Variants in STX5 observed in about 807,000 individuals in gnomAD.
STX5 encodes syntaxin 5, also known as syntaxin-5.
A neutral mutation model predicts 42.9 loss-of-function variants in STX5; 15 were observed. The observed-to-expected ratio is 0.35, with a 90% CI of 0.23 to 0.54. The LOEUF (loss-of-function observed/expected upper bound fraction) is 0.54, where lower values mean the gene tolerates loss of function less well. Among genes scored for constraint, STX5 ranks in the 20% least tolerant of loss-of-function variants. The probability of loss-of-function intolerance (pLI) is 0.91; values close to 1 mark genes in which losing one functional copy is unlikely to be tolerated. For synonymous variants in STX5, 184 were observed against 173.2 expected (o/e 1.06, Z -0.49); for missense variants, 430 against 455.0 (o/e 0.95, Z 0.50).
At position 62,831,154 on chromosome 11, in the gene STX5, A is replaced by T. The variant is rs1394644234; in HGVS notation, c.90T>A (p.Thr30=). 2 of 1,561,050 alleles carry T rather than the reference A, an allele frequency of 1.3e-6. No homozygotes were observed. Among genetic ancestry groups the T allele is most frequent in the Non-Finnish European group, 1.7e-6 (2 of 1,152,270 alleles). The part of the protein sequence containing the change: ...LSKTQVLSPA[T]AGSSSSDIAP... ...CGATGTCGCTGCTGCTACTGCCAGC[A>T]GTTGCAGGGGACAGGACCTGTGTCT... The change falls in exon 2 of 11, where the codon ACT becomes ACA. Residue 30 remains threonine, a synonymous_variant. Transcript: ENST00000294179.
intron 10 of STX5, among the ~76,000 whole-genome samples, chr11:62,808,663 T>C (rs1408349228): frequency 1.3e-5 from 2 of 152,178 alleles, no homozygotes; most frequent in Non-Finnish European, 2.9e-5. Flanking sequence ...TTTATGGGAC[T>C]TGCGGATGCA....
In STX5 at chr11:62,831,038, T is replaced by C. The variant is rs184174294; in HGVS notation, c.206A>G (p.Lys69Arg). The change falls in exon 2 of 11, where the codon AAG becomes AGG. Residue 69 changes from lysine (K) to arginine (R), a missense_variant. Coordinates refer to ENST00000294179, the MANE Select transcript of STX5 (RefSeq NM_003164.5). ...CCTTACCTGACGGGTCTGCAGCGAC[T>C]TGCAGGCAGACAGAAACTCCTGGGT... ...DRTQEFLSACKSLQTRQNGIQ... is the reference protein window; with the variant it reads ...DRTQEFLSACRSLQTRQNGIQ... The C allele has an allele frequency of 1.4e-5, 21 of 1,553,086 alleles. No homozygotes were observed. The highest frequency in any genetic ancestry group is 5.8e-5 in the Admixed American group (3 of 51,376).
At chr11:62,827,722 T>A in intron 2 of STX5, 91 bp from the exon 3 acceptor site, 1 of 1,281,228 alleles carries the variant, frequency 7.8e-7, no homozygotes. Flanking sequence ...AACCTATCTC[T>A]AGTGCTGGTG....
chr11:62,824,210 C>T lies in STX5; in HGVS notation c.864G>A (p.Gln288=). Residue 288 remains glutamine, a synonymous_variant, in exon 10 of 11, where the codon CAG becomes CAA. Transcript: ENST00000294179. ...GTTCCTTAACCATGTGTGCCAACTGCTGAAAGATGGAGCCCAACTCAACAA... is the reference window on the plus strand; with the variant it reads ...GTTCCTTAACCATGTGTGCCAACTGTTGAAAGATGGAGCCCAACTCAACAA... ...STIVELGSIF[Q]QLAHMVKEQE... 1 of 1,614,180 alleles carries T rather than the reference C, an allele frequency of 6.2e-7. No homozygotes were observed. The highest frequency in any genetic ancestry group is 8.5e-7 in the Non-Finnish European group (1 of 1,180,032).
At chr11:62,823,016 A>G (rs945178816) in intron 10 of STX5, among the ~76,000 whole-genome samples, 1 of 152,008 alleles carries the variant, frequency 6.6e-6, no homozygotes, top group African/African-American at 2.4e-5. Context: ...CTATGGTGAG[A>G]CTGTCCCATC....
chr11:62,830,649 T>A (rs1252190258), intron 2 of STX5: 1 of 475,768 alleles, frequency 2.1e-6, no homozygotes, highest in African/African-American at 2.0e-5. Context: ...TTCTCATGGT[T>A]ACAGAGCAAA....
chr11:62,825,381 A>G (rs200884743), intron 6 of STX5, 42 bp from the exon 7 acceptor site: 2 of 1,614,018 alleles, frequency 1.2e-6, no homozygotes, highest in Non-Finnish European at 1.7e-6. Flanking sequence ...AAGGCTCCAC[A>G]TTCTTCCTCT....
At chr11:62,807,786 G>A (rs2084569561) in intron 10 of STX5, 158 bp from the exon 11 acceptor site, 1 of 1,351,372 alleles carries the variant, frequency 7.4e-7, no homozygotes, top group Non-Finnish European at 9.8e-7. Flanking sequence ...CTATAAACAA[G>A]TTATTTCTGG....
intron 5 of STX5, among the ~76,000 whole-genome samples, chr11:62,826,895 A>G (rs1192786133): frequency 6.6e-6 from 1 of 151,712 alleles, no homozygotes; most frequent in Non-Finnish European, 1.5e-5. Context: ...AAAAAAAAAA[A>G]AAAAAATTAT....
At chr11:62,828,625 C>G (rs2084820844) in intron 2 of STX5, among the ~76,000 whole-genome samples, 1 of 152,108 alleles carries the variant, frequency 6.6e-6, no homozygotes, top group Non-Finnish European at 1.5e-5. Context: ...ACTCAGCAGG[C>G]TGAGGCCGGA....
At chr11:62,828,742 T>TAAACAAAC (rs1309217151) in intron 2 of STX5, among the ~76,000 whole-genome samples, 4 of 128,124 alleles carry the variant, frequency 3.1e-5, no homozygotes, top group Admixed American at 8.8e-5. Context: ...AATAAATAAA[T>TAAACAAAC]AAATAAACAA....
At chr11:62,822,082 G>C (rs1018417792) in intron 10 of STX5, among the ~76,000 whole-genome samples, 3 of 151,796 alleles carry the variant, frequency 2.0e-5, no homozygotes, top group Non-Finnish European at 4.4e-5. Context: ...AATGTATTTG[G>C]CCAGTTGTGA....
chr11:62,823,094 CTT>C (rs1239394813), intron 10 of STX5, among the ~76,000 whole-genome samples: 6 of 152,266 alleles, frequency 3.9e-5, no homozygotes, highest in African/African-American at 1.4e-4. Context: ...TTGGATCCCT[CTT>C]GTCATTCAAG....
At position 62,827,593 on chromosome 11, in the gene STX5, G is replaced by C. The variant is rs766696591; in HGVS notation, c.264C>G (p.Val88=). 4.3e-6 allele frequency: 7 copies of C among 1,614,070 alleles called. No individual in the cohort carries two copies. The highest frequency in any genetic ancestry group is 5.9e-6 in the Non-Finnish European group (7 of 1,180,042). The part of the protein sequence containing the change: ...IQTNKPALRA[V]RQRSEFTLMA... The stretch of plus-strand genomic sequence containing the variant: ...TGAGGGTGAATTCACTGCGTTGTCG[G>C]ACAGCACGCAAAGCTGGCTTATTTG... Residue 88 remains valine (V), a synonymous_variant, in exon 3 of 11, where the codon GTC becomes GTG. Coordinates refer to ENST00000294179, the MANE Select transcript of STX5 (RefSeq NM_003164.5).
chr11:62,809,845 G>A (rs1414449859), intron 10 of STX5, among the ~76,000 whole-genome samples: 1 of 151,382 alleles, frequency 6.6e-6, no homozygotes, highest in Admixed American at 6.6e-5. Flanking sequence ...GGCTCACGCC[G>A]ATAATCCCAG....
At position 62,807,281 on chromosome 11, in the gene STX5, G is replaced by A. The variant is rs1379672802; in HGVS notation, c.*188C>T. ...CCCTGTGTGTTTCATAGGCCTGAGGGTGGTGGGGGGAGGACAGGGTGGCCA... is the reference window on the plus strand; with the variant it reads ...CCCTGTGTGTTTCATAGGCCTGAGGATGGTGGGGGGAGGACAGGGTGGCCA... On this transcript the variant is annotated 3_prime_UTR_variant, in exon 11 of 11. Coordinates refer to ENST00000294179, the MANE Select transcript of STX5 (RefSeq NM_003164.5). 2.5e-6 allele frequency: 2 copies of A among 792,202 alleles called. No individual in the cohort carries two copies. Among genetic ancestry groups the A allele is most frequent in the South Asian group, 2.0e-5 (1 of 50,484 alleles). 49.1% of individuals were successfully genotyped at this position (792,202 alleles called of 1,614,324 possible).
intron 10 of STX5, among the ~76,000 whole-genome samples, chr11:62,815,488 A>G (rs1381759779): frequency 1.3e-5 from 2 of 151,880 alleles, no homozygotes; most frequent in African/African-American, 4.8e-5. Flanking sequence ...TGAATAATAC[A>G]TAATATTAGG....
chr11:62,830,628 A>G (rs1368189334), intron 2 of STX5: 1 of 461,350 alleles, frequency 2.2e-6, no homozygotes, highest in Admixed American at 2.6e-5. Context: ...ATGTAACTAG[A>G]TTAACTAATT....
At chr11:62,812,838 T>C (rs75266488) in intron 10 of STX5, among the ~76,000 whole-genome samples, 12,824 of 151,072 alleles carry the variant, frequency 0.085, 670 homozygotes, top group East Asian at 0.15. Context: ...TTAGGCCGGG[T>C]GCGGTGGCTC....
Sources: allele counts gnomAD v4.1 joint callset (sites outside exome capture counted in the v4.1 genomes callset), GRCh38; gene constraint gnomAD v4.1.1; transcripts MANE v1.5; gene names NCBI Gene and HGNC (gene_info 2026-07-23, HGNC 2026-07-21).